The following NR6A1 variants were observed in gnomAD, a reference collection of about 807,000 sequenced individuals.
The protein encoded by NR6A1 is retinoic acid receptor-related testis-associated receptor.
NR6A1 carries 7 observed loss-of-function variants against 59.1 expected under a neutral mutation model. That is an observed-to-expected ratio of 0.12 (90% CI 0.07 to 0.22). The LOEUF (loss-of-function observed/expected upper bound fraction) is 0.22, where lower values mean the gene tolerates loss of function less well. NR6A1 is among the 10% of genes least tolerant of loss of function. The pLI, the probability that NR6A1 is intolerant of heterozygous loss-of-function variation, is 1.00. For synonymous variants in NR6A1, 243 were observed against 236.1 expected, an observed-to-expected ratio of 1.03 and a Z score of -0.27; for missense variants, 468 against 611.6, an observed-to-expected ratio of 0.77 and a Z score of 2.48.
rs374009459 is a variant in NR6A1 at position 124,746,516 on chromosome 9, G to C, written c.101-13167C>G. On this transcript the variant is annotated intron_variant, in intron 1 of 9. Transcript: ENST00000487099. The stretch of plus-strand genomic sequence containing the variant: ...AGACAGGAGAATCACTTGAACCCGG[G>C]AGGCAAAGGTTGCAGTGAGCCAAGA... Among the ~76,000 whole-genome samples the C allele has an allele frequency of 3.3e-5, 5 of 152,252 alleles. No homozygotes were observed. In the East Asian group the frequency reaches 5.8e-4, roughly 18 times the overall value.
intron 2 of NR6A1, among the ~76,000 whole-genome samples, chr9:124,721,592 A>G (rs16927602): frequency 0.011 from 1,716 of 152,296 alleles, 33 homozygotes; most frequent in African/African-American, 0.039. Context: ...GAAAGAACTC[A>G]CTTGAAAAAT....
chr9:124,592,067 G>A (rs963378788), intron 2 of NR6A1, among the ~76,000 whole-genome samples: 17 of 152,264 alleles, frequency 1.1e-4, no homozygotes, highest in African/African-American at 3.9e-4. Context: ...CGGGGTGGGA[G>A]ATTGTTTGGT....
At chr9:124,736,660 A>G (rs891585201) in intron 1 of NR6A1, among the ~76,000 whole-genome samples, 1 of 152,110 alleles carries the variant, frequency 6.6e-6, no homozygotes, top group Non-Finnish European at 1.5e-5. Context: ...CCTGGGCAAC[A>G]TGGTGAAACC....
chr9:124,545,322 ATCCT>A (rs1216417646), intron 3 of NR6A1, among the ~76,000 whole-genome samples: 2 of 152,208 alleles, frequency 1.3e-5, no homozygotes, highest in East Asian at 3.8e-4. Context: ...TTAGTAACTA[ATCCT>A]TCCCTCTCCC....
rs1206434071 is a variant in NR6A1, at chr9:124,657,432, G to GA, written c.142+75875dup. Among the ~76,000 whole-genome samples the GA allele has an allele frequency of 3.9e-5, 6 of 152,074 alleles. No individual in the cohort carries two copies. In the East Asian group the frequency reaches 5.8e-4, roughly 15 times the overall value. Reference sequence around the variant, plus strand: ...TTCTAAAGAGACAAGAAAGTCCACGGAAAAAAATGATTGGTCCATGTAGAG... The same window carrying GA: ...TTCTAAAGAGACAAGAAAGTCCACGGAAAAAAAATGATTGGTCCATGTAGAG... On this transcript the variant is annotated intron_variant, in intron 2 of 9. Coordinates refer to ENST00000487099, the MANE Select transcript of NR6A1 (RefSeq NM_033334.4).
At chr9:124,673,017 GA>G (rs1378552192) in intron 2 of NR6A1, among the ~76,000 whole-genome samples, 1 of 152,122 alleles carries the variant, frequency 6.6e-6, no homozygotes, top group African/African-American at 2.4e-5. Context: ...TGACATGTAA[GA>G]TTCAAGAGTT....
At chr9:124,617,367 T>C (rs1350595192) in intron 2 of NR6A1, among the ~76,000 whole-genome samples, 1 of 152,204 alleles carries the variant, frequency 6.6e-6, no homozygotes, top group Non-Finnish European at 1.5e-5. Flanking sequence ...TTTCATTCTA[T>C]TTTTGTCTTT....
At chr9:124,575,396 A>G (rs1190366052) in intron 2 of NR6A1, among the ~76,000 whole-genome samples, 2 of 152,134 alleles carry the variant, frequency 1.3e-5, no homozygotes. Context: ...CAACATGGTG[A>G]AACCCTGCCT....
chr9:124,588,633 T>C (rs1318568830), intron 2 of NR6A1, among the ~76,000 whole-genome samples: 2 of 145,334 alleles, frequency 1.4e-5, no homozygotes, highest in Non-Finnish European at 3.0e-5. Flanking sequence ...ATATTCTAGG[T>C]TCCTGGCCCG....
At chr9:124,724,247 GACAT>G (rs1192037104) in intron 2 of NR6A1, among the ~76,000 whole-genome samples, 1 of 151,898 alleles carries the variant, frequency 6.6e-6, no homozygotes, top group African/African-American at 2.4e-5. Flanking sequence ...AACCTGGAAG[GACAT>G]ACTCTCAAAC....
At chr9:124,627,846 T>C (rs1368865060) in intron 2 of NR6A1, among the ~76,000 whole-genome samples, 1 of 150,110 alleles carries the variant, frequency 6.7e-6, no homozygotes, top group Admixed American at 6.8e-5. Context: ...GTGCTAGGAT[T>C]ACAGGCATAA....
At chr9:124,546,097 A>G (rs140419750) in intron 3 of NR6A1, among the ~76,000 whole-genome samples, 1,557 of 152,342 alleles carry the variant, frequency 0.01, 26 homozygotes, top group African/African-American at 0.036. Flanking sequence ...CCTGGGCAAC[A>G]AGAGCAAAAC....
intron 2 of NR6A1, among the ~76,000 whole-genome samples, chr9:124,640,767 C>A (rs971953799): frequency 3.3e-5 from 5 of 151,866 alleles, no homozygotes; most frequent in African/African-American, 1.2e-4. Flanking sequence ...GGATTACAGG[C>A]ATGCACCACC....
At chr9:124,561,804 C>T (rs1472168647) in intron 2 of NR6A1, among the ~76,000 whole-genome samples, 3 of 151,910 alleles carry the variant, frequency 2.0e-5, no homozygotes, top group Non-Finnish European at 2.9e-5. Context: ...ACCAGCTACT[C>T]GGGAGGCTGG....
chr9:124,637,219 T>G (rs773474594), intron 2 of NR6A1, among the ~76,000 whole-genome samples: 4 of 152,172 alleles, frequency 2.6e-5, no homozygotes, highest in Non-Finnish European at 5.9e-5. Context: ...TACAAAGACA[T>G]GGTAGCATAA....
intron 2 of NR6A1, among the ~76,000 whole-genome samples, chr9:124,654,144 G>A (rs1239870859): frequency 6.6e-6 from 1 of 152,126 alleles, no homozygotes; most frequent in Non-Finnish European, 1.5e-5. Context: ...ATTCTTCTAG[G>A]ACACTCAAAG....
intron 2 of NR6A1, among the ~76,000 whole-genome samples, chr9:124,576,128 T>C (rs1834584191): frequency 6.6e-6 from 1 of 152,210 alleles, no homozygotes; most frequent in African/African-American, 2.4e-5. Context: ...CTGCTCCCCA[T>C]TACATCTACC....
At chr9:124,740,328 G>A (rs912480260) in intron 1 of NR6A1, among the ~76,000 whole-genome samples, 1 of 152,152 alleles carries the variant, frequency 6.6e-6, no homozygotes, top group African/African-American at 2.4e-5. Flanking sequence ...AGGGACCTAT[G>A]AGGAAGAAAA....
intron 2 of NR6A1, among the ~76,000 whole-genome samples, chr9:124,619,914 A>AT (rs1427164567): frequency 6.6e-6 from 1 of 152,108 alleles, no homozygotes; most frequent in African/African-American, 2.4e-5. Context: ...ATACAAAATT[A>AT]GCCAAGCATG....
Sources: gnomAD v4.1 joint callset for allele counts (sites outside exome capture counted in the v4.1 genomes callset) on GRCh38, gnomAD v4.1.1 for gene constraint, MANE v1.5 for transcripts, NCBI Gene and HGNC (gene_info 2026-07-23, HGNC 2026-07-21) for gene names.